Variants in ZNF713 observed in about 807,000 individuals in gnomAD.
The protein encoded by ZNF713 is zinc finger protein 713.
Under a neutral mutation model 28.7 loss-of-function variants are expected in ZNF713, and 21 were observed. The observed-to-expected ratio is 0.73, with a 90% CI of 0.52 to 1.05. ZNF713 has a LOEUF of 1.05. Ranked by LOEUF, ZNF713 falls within the 50% of genes least tolerant of loss-of-function variation. The pLI is 0.00. For synonymous variants in ZNF713, 167 were observed against 178.0 expected (o/e 0.94, Z 0.49); for missense variants, 458 against 532.4 (o/e 0.86, Z 1.37).
intron 1 of ZNF713, among the ~76,000 whole-genome samples, chr7:55,899,008 T>A (rs1369909077): frequency 6.6e-6 from 1 of 152,102 alleles, no homozygotes; most frequent in Non-Finnish European, 1.5e-5. Context: ...GCACTGTTTG[T>A]GGGAATGTAA....
At chr7:55,899,076 A>G (rs4948083) in intron 1 of ZNF713, among the ~76,000 whole-genome samples, 124,555 of 151,750 alleles carry the variant, frequency 0.82, 51,649 homozygotes, top group East Asian at 0.95. Flanking sequence ...AAAATCGGCC[A>G]GGCACGGTGG....
At chr7:55,901,744 T>C (rs1348606192) in intron 1 of ZNF713, among the ~76,000 whole-genome samples, 1 of 152,218 alleles carries the variant, frequency 6.6e-6, no homozygotes, top group South Asian at 2.1e-4. Context: ...TGTTCCTGAG[T>C]TAAGTGAACA....
chr7:55,922,174 A>C (rs891297980), intron 4 of ZNF713, among the ~76,000 whole-genome samples: 2 of 149,174 alleles, frequency 1.3e-5, no homozygotes, highest in Non-Finnish European at 3.0e-5. Flanking sequence ...TGATCCACCC[A>C]CCTCGGCCTC....
At position 55,939,398 on chromosome 7, in the gene ZNF713, A is replaced by G; in HGVS notation, c.724A>G (p.Lys242Glu). 2 of 1,613,888 alleles carry G rather than the reference A, an allele frequency of 1.2e-6. No homozygotes were observed. Among genetic ancestry groups the G allele is most frequent in the Non-Finnish European group, 1.7e-6 (2 of 1,180,004 alleles). ...TCCCTATGAATATAGTGAGTGTGGA[A>G]AAATCTTCAATCAACATATTCTTCT... is the stretch of plus-strand genomic sequence containing the variant. The part of the protein sequence containing the change: ...ETPYEYSECG[K>E]IFNQHILLTD... Residue 242 changes from lysine (K) to glutamate (E), a missense_variant, in exon 7 of 7, where the codon AAA (lysine) becomes GAA (glutamate). Coordinates refer to ENST00000429591, the MANE Select transcript of ZNF713 (RefSeq NM_182633.3).
At chr7:55,907,982 TG>T (rs2116204494) in intron 2 of ZNF713, among the ~76,000 whole-genome samples, 1 of 152,148 alleles carries the variant, frequency 6.6e-6, no homozygotes, top group Non-Finnish European at 1.5e-5. Flanking sequence ...TACCCAGTAG[TG>T]GGATTGCTGG....
intron 6 of ZNF713, among the ~76,000 whole-genome samples, chr7:55,937,483 T>C (rs1786377690): frequency 6.6e-6 from 1 of 152,096 alleles, no homozygotes; most frequent in Non-Finnish European, 1.5e-5. Context: ...TGACCCTTTC[T>C]GTAACCCATC....
At chr7:55,887,914 G>A (rs1202191772) in intron 1 of ZNF713, among the ~76,000 whole-genome samples, 1 of 144,676 alleles carries the variant, frequency 6.9e-6, no homozygotes, top group Non-Finnish European at 1.5e-5. Context: ...GGAGGCGGCA[G>A]GTGGCGGGAG....
At chr7:55,926,418 T>A (rs747984251) in intron 6 of ZNF713, among the ~76,000 whole-genome samples, 4 of 152,192 alleles carry the variant, frequency 2.6e-5, no homozygotes, top group Non-Finnish European at 5.9e-5. Flanking sequence ...TCACATCTCT[T>A]ATCAGGGACA....
At chr7:55,922,030 A>G (rs1201895389) in intron 4 of ZNF713, among the ~76,000 whole-genome samples, 13 of 152,088 alleles carry the variant, frequency 8.5e-5, no homozygotes, top group Admixed American at 7.9e-4. Context: ...GGTTCAAGCA[A>G]TTCTTCTGCC....
At chr7:55,930,714 C>T (rs887063673) in intron 6 of ZNF713, among the ~76,000 whole-genome samples, 6 of 151,896 alleles carry the variant, frequency 4.0e-5, no homozygotes, top group African/African-American at 1.2e-4. Flanking sequence ...TGCAGTAAGC[C>T]GAGATCGTGC....
At chr7:55,930,749 G>T (rs1786194200) in intron 6 of ZNF713, among the ~76,000 whole-genome samples, 1 of 151,450 alleles carries the variant, frequency 6.6e-6, no homozygotes, top group Non-Finnish European at 1.5e-5. Context: ...CTGGGCAACA[G>T]AGACTGTCTC....
At chr7:55,927,896 C>CAAAAAAAAAA (rs71533249) in intron 6 of ZNF713, among the ~76,000 whole-genome samples, 1,140 of 44,914 alleles carry the variant, frequency 0.025, 355 homozygotes, top group East Asian at 0.093. Flanking sequence ...GACTCTGTCT[C>CAAAAAAAAAA]AAAAAAAAAA....
intron 6 of ZNF713, among the ~76,000 whole-genome samples, chr7:55,931,298 T>C (rs976662681): frequency 1.3e-4 from 19 of 151,982 alleles, no homozygotes; most frequent in Non-Finnish European, 2.6e-4. Flanking sequence ...AAAAAAAAAT[T>C]GAAACAGAAG....
chr7:55,916,752 T>C (rs1785888390), intron 4 of ZNF713, among the ~76,000 whole-genome samples: 1 of 152,208 alleles, frequency 6.6e-6, no homozygotes, highest in Non-Finnish European at 1.5e-5. Context: ...TAAAGTTGGA[T>C]CTGTACCTCA....
intron 6 of ZNF713, among the ~76,000 whole-genome samples, chr7:55,931,662 A>G (rs917041916): frequency 2.2e-5 from 3 of 136,562 alleles, no homozygotes; most frequent in Admixed American, 1.6e-4. Flanking sequence ...CTTCTTTCTT[A>G]CTTCCTTGTT....
chr7:55,925,559 T>C (rs1184375952), intron 6 of ZNF713, among the ~76,000 whole-genome samples: 1 of 152,084 alleles, frequency 6.6e-6, no homozygotes, highest in Non-Finnish European at 1.5e-5. Flanking sequence ...AGGCAGAGGT[T>C]GCAGTGAGCC....
intron 6 of ZNF713, 114 bp downstream of exon 6, chr7:55,923,813 T>C: frequency 1.5e-6 from 1 of 680,386 alleles, no homozygotes; most frequent in Non-Finnish European, 2.4e-6. Flanking sequence ...ACTAAGCCTT[T>C]TGAAAAAAAT....
At chr7:55,910,393 A>C (rs952025083) in intron 2 of ZNF713, among the ~76,000 whole-genome samples, 3 of 152,118 alleles carry the variant, frequency 2.0e-5, no homozygotes, top group Non-Finnish European at 4.4e-5. Flanking sequence ...AATGCTTTCA[A>C]CTTTTCCCCA....
At chr7:55,925,859 C>T (rs1786085856) in intron 6 of ZNF713, among the ~76,000 whole-genome samples, 1 of 152,274 alleles carries the variant, frequency 6.6e-6, no homozygotes, top group Middle Eastern at 3.4e-3. Context: ...AATTAGAGAA[C>T]TCCCTTTTCA....
Sources: gnomAD v4.1 joint callset for allele counts (sites outside exome capture counted in the v4.1 genomes callset) on GRCh38, gnomAD v4.1.1 for gene constraint, MANE v1.5 for transcripts, NCBI Gene and HGNC (gene_info 2026-07-23, HGNC 2026-07-21) for gene names.